Variants in POU2F1 observed in about 807,000 individuals in gnomAD.
POU2F1 encodes POU domain, class 2, transcription factor 1.
POU2F1 carries 16 observed loss-of-function variants against 84.9 expected under a neutral mutation model. That is an observed-to-expected ratio of 0.19 (90% CI 0.13 to 0.29). The LOEUF is 0.29. POU2F1 is among the 10% of genes least tolerant of loss of function. The pLI is 1.00. For missense variants in POU2F1, 738 were observed against 942.6 expected, an observed-to-expected ratio of 0.78 and a Z score of 2.84; for synonymous variants, 368 against 368.3, an observed-to-expected ratio of 1.00 and a Z score of 0.01.
intron 5 of POU2F1, among the ~76,000 whole-genome samples, chr1:167,373,344 A>G (rs1660128696): frequency 6.6e-6 from 1 of 152,220 alleles, no homozygotes; most frequent in Admixed American, 6.5e-5. Flanking sequence ...AATATGCTCT[A>G]AATACATTTC....
At chr1:167,375,882 G>C in intron 6 of POU2F1, 147 bp from the exon 7 acceptor site, 5 of 1,004,670 alleles carry the variant, frequency 5.0e-6, no homozygotes, top group South Asian at 1.6e-5. Context: ...AGCACACACA[G>C]AGCATACCCT....
chr1:167,253,117 A>G (rs1319825168), intron 1 of POU2F1, among the ~76,000 whole-genome samples: 1 of 152,258 alleles, frequency 6.6e-6, no homozygotes. Context: ...CTGTTGAAAT[A>G]CTTGTGAAAC....
At chr1:167,222,037 A>C (rs1434146992) in intron 1 of POU2F1, among the ~76,000 whole-genome samples, 1 of 149,568 alleles carries the variant, frequency 6.7e-6, no homozygotes, top group Non-Finnish European at 1.5e-5. Context: ...CGTTCCCCCC[A>C]CCCCCTGCGC....
At chr1:167,391,800 C>G (rs929379686) in intron 9 of POU2F1, among the ~76,000 whole-genome samples, 1 of 151,740 alleles carries the variant, frequency 6.6e-6, no homozygotes, top group African/African-American at 2.4e-5. Flanking sequence ...TCAACCAAAT[C>G]CACCCACGTC....
At chr1:167,318,808 G>A (rs1656103566) in intron 1 of POU2F1, among the ~76,000 whole-genome samples, 1 of 152,182 alleles carries the variant, frequency 6.6e-6, no homozygotes, top group African/African-American at 2.4e-5. Context: ...GCATCCAAGA[G>A]CTATCATTAG....
chr1:167,253,435 T>A (rs1353996023), intron 1 of POU2F1, among the ~76,000 whole-genome samples: 1 of 142,720 alleles, frequency 7.0e-6, no homozygotes, highest in Non-Finnish European at 1.5e-5. Flanking sequence ...GGTTAATGGG[T>A]TTTTTGGGTT....
intron 1 of POU2F1, among the ~76,000 whole-genome samples, chr1:167,316,656 T>C (rs1298921647): frequency 1.3e-5 from 2 of 152,230 alleles, no homozygotes; most frequent in African/African-American, 4.8e-5. Context: ...TATAGAACTC[T>C]GAGATATTTG....
In POU2F1 at chr1:167,401,690, T is replaced by G. The variant is rs557565692; in HGVS notation, c.1555+134T>G. 8 of 503,454 alleles carry G rather than the reference T, an allele frequency of 1.6e-5. No homozygotes were observed. In the African/African-American group the frequency reaches 1.6e-4, roughly 10 times the overall value. The allele number at this position is 503,454 out of a possible 1,614,324, so 31.2% of individuals were successfully genotyped here. A position where few individuals can be genotyped will look rare whatever the true frequency, so the allele number is the denominator to read the frequency against. ...TGTTGCTCATAAATATCAATTTTCTTTAAAGTAACTCCTTTCCTTAAAAGC... is the reference window on the plus strand; with the variant it reads ...TGTTGCTCATAAATATCAATTTTCTGTAAAGTAACTCCTTTCCTTAAAAGC... On this transcript the variant is annotated intron_variant, in intron 13 of 15. Transcript: ENST00000367866.
chr1:167,247,000 C>T (rs1054429471), intron 1 of POU2F1, among the ~76,000 whole-genome samples: 1 of 151,116 alleles, frequency 6.6e-6, no homozygotes, highest in Non-Finnish European at 1.5e-5. Context: ...GAGTTTAATG[C>T]TAAATGTAAT....
rs113008356 is a variant in POU2F1, at chr1:167,418,404, A to T, written c.*2594A>T. ...ATTTAATCTTCTATCCTGACTTGAC[A>T]TCTCTACCTTTAGTCTGTGGAAATG... On this transcript the variant is annotated 3_prime_UTR_variant, in exon 16 of 16. Transcript: ENST00000367866. 5 of 152,278 alleles carry T rather than the reference A, an allele frequency of 3.3e-5. No homozygotes were observed. The highest frequency in any genetic ancestry group is 1.2e-4 in the African/African-American group (5 of 41,550). The allele number at this position is 152,278 out of a possible 1,614,324, so 9.4% of individuals were successfully genotyped here. A position where few individuals can be genotyped will look rare whatever the true frequency, so the allele number is the denominator to read the frequency against.
At chr1:167,360,578 C>T (rs560337305) in intron 2 of POU2F1, among the ~76,000 whole-genome samples, 15 of 152,280 alleles carry the variant, frequency 9.9e-5, no homozygotes, top group South Asian at 8.3e-4. Flanking sequence ...CAGTACCATG[C>T]TGTTTCATTA....
At chr1:167,343,167 A>G (rs1375808275) in intron 2 of POU2F1, among the ~76,000 whole-genome samples, 3 of 152,138 alleles carry the variant, frequency 2.0e-5, no homozygotes, top group Non-Finnish European at 4.4e-5. Flanking sequence ...GTGGGGGTCA[A>G]GGGGGAGAAG....
At chr1:167,293,085 G>T (rs1372833985) in intron 1 of POU2F1, among the ~76,000 whole-genome samples, 4 of 152,150 alleles carry the variant, frequency 2.6e-5, no homozygotes, top group Admixed American at 2.6e-4. Flanking sequence ...CATTCCCCCT[G>T]AGAACTATAA....
intron 3 of POU2F1, among the ~76,000 whole-genome samples, chr1:167,369,123 T>C (rs1659857703): frequency 6.6e-6 from 1 of 152,210 alleles, no homozygotes; most frequent in African/African-American, 2.4e-5. Flanking sequence ...AGTCTTTCTT[T>C]GTTTCAGGAC....
intron 7 of POU2F1, among the ~76,000 whole-genome samples, chr1:167,382,618 G>A (rs1390962699): frequency 6.6e-6 from 1 of 152,160 alleles, no homozygotes; most frequent in African/African-American, 2.4e-5. Flanking sequence ...TTGAACTATA[G>A]GGAGACACTT....
intron 1 of POU2F1, among the ~76,000 whole-genome samples, chr1:167,228,818 A>G (rs759538064): frequency 5.3e-5 from 8 of 152,210 alleles, no homozygotes; most frequent in Non-Finnish European, 7.4e-5. Flanking sequence ...CAAGGCAGGT[A>G]TAAATAATAT....
chr1:167,393,743 T>G (rs968947210), intron 9 of POU2F1, among the ~76,000 whole-genome samples: 6 of 152,148 alleles, frequency 3.9e-5, no homozygotes, highest in Non-Finnish European at 7.3e-5. Flanking sequence ...ATTGTTACTT[T>G]TATAATAAGA....
intron 1 of POU2F1, among the ~76,000 whole-genome samples, chr1:167,243,871 AT>A (rs1027195566): frequency 3.3e-5 from 5 of 152,354 alleles, no homozygotes; most frequent in Non-Finnish European, 5.9e-5. Context: ...AAACATACTG[AT>A]AAATATAGTA....
chr1:167,358,326 T>C (rs138164634), intron 2 of POU2F1, among the ~76,000 whole-genome samples: 247 of 152,064 alleles, frequency 1.6e-3, no homozygotes, highest in Middle Eastern at 0.01. Flanking sequence ...TTTTTTCATA[T>C]ATGTTTATGA....
Sources: allele counts gnomAD v4.1 joint callset (sites outside exome capture counted in the v4.1 genomes callset), GRCh38; gene constraint gnomAD v4.1.1; transcripts MANE v1.5; gene names NCBI Gene and HGNC (gene_info 2026-07-23, HGNC 2026-07-21).